Variants in PRUNE2 observed in about 807,000 individuals in gnomAD.
The protein encoded by PRUNE2 is prune homolog 2 with BCH domain, also known as protein prune homolog 2.
A neutral mutation model predicts 252.0 loss-of-function variants in PRUNE2; 164 were observed. The ratio of observed to expected loss-of-function variants is 0.65; its 90% CI spans 0.57 to 0.74. PRUNE2 has a LOEUF of 0.74. Ranked by LOEUF, PRUNE2 falls within the 30% of genes least tolerant of loss-of-function variation. The pLI is 0.00. For missense variants in PRUNE2, 3,495 were observed against 3,711.0 expected, an observed-to-expected ratio of 0.94 and a Z score of 1.51; for synonymous variants, 1,292 against 1,350.2, an observed-to-expected ratio of 0.96 and a Z score of 0.94.
intron 1 of PRUNE2, among the ~76,000 whole-genome samples, chr9:76,897,010 G>A (rs1307552456): frequency 6.6e-6 from 1 of 152,174 alleles, no homozygotes; most frequent in Non-Finnish European, 1.5e-5. Context: ...AAATGGGCAT[G>A]CAGTGAGAAC....
chr9:76,806,508 CTTT>C lies in PRUNE2; in HGVS notation c.756+17121_756+17123del, dbSNP rs536359235. ...GGCTTACCATGTGTCAGGCACCATT[CTTT>C]TTTTTTTTTTTTTTGAGACGGAGTT... is the stretch of plus-strand genomic sequence containing the variant. On this transcript the variant is annotated intron_variant, in intron 6 of 18. Transcript: ENST00000376718. 3.1e-3 allele frequency among the ~76,000 whole-genome samples: 406 copies of C among 131,142 alleles called. 1 individual carries two copies. The highest frequency in any genetic ancestry group is 9.5e-3 in the African/African-American group (330 of 34,712). 86.0% of individuals were successfully genotyped at this position (131,142 alleles called of 152,430 possible).
chr9:76,675,166 C>A (rs2042280572), intron 9 of PRUNE2, among the ~76,000 whole-genome samples: 1 of 92,254 alleles, frequency 1.1e-5, no homozygotes, highest in Non-Finnish European at 2.6e-5. Context: ...ACTTACTCAT[C>A]TGACAAAGGG....
intron 6 of PRUNE2, among the ~76,000 whole-genome samples, chr9:76,807,800 C>T (rs533301313): frequency 1.3e-5 from 2 of 152,290 alleles, no homozygotes; most frequent in African/African-American, 2.4e-5. Context: ...CTAAAGCTCT[C>T]GTCCCACTGG....
chr9:76,665,208 C>T (rs2039891095), intron 9 of PRUNE2, among the ~76,000 whole-genome samples: 1 of 152,220 alleles, frequency 6.6e-6, no homozygotes, highest in East Asian at 1.9e-4. Context: ...TCACAAGGCC[C>T]TCTTGACCTG....
intron 6 of PRUNE2, among the ~76,000 whole-genome samples, chr9:76,773,063 T>C (rs937622059): frequency 3.3e-5 from 5 of 152,318 alleles, no homozygotes; most frequent in African/African-American, 4.8e-5. Flanking sequence ...AACAATATAA[T>C]TTCTTACATT....
intron 6 of PRUNE2, among the ~76,000 whole-genome samples, chr9:76,790,423 T>C (rs1304858020): frequency 6.6e-5 from 10 of 152,120 alleles, no homozygotes; most frequent in Admixed American, 6.6e-4. Context: ...CATAAGAACA[T>C]ATAATCAGTC....
intron 1 of PRUNE2, among the ~76,000 whole-genome samples, chr9:76,865,845 AC>A (rs1158016122): frequency 1.4e-5 from 2 of 146,158 alleles, no homozygotes; most frequent in Non-Finnish European, 3.0e-5. Flanking sequence ...ACACACACAC[AC>A]ACCAGAGCAT....
At chr9:76,683,811 CTATA>C (rs142632701) in intron 9 of PRUNE2, among the ~76,000 whole-genome samples, 3 of 150,752 alleles carry the variant, frequency 2.0e-5, no homozygotes, top group African/African-American at 7.3e-5. Flanking sequence ...ATGTATTTAT[CTATA>C]TATATATATT....
intron 6 of PRUNE2, among the ~76,000 whole-genome samples, chr9:76,815,138 C>T (rs370417649): frequency 6.6e-6 from 1 of 152,164 alleles, no homozygotes; most frequent in South Asian, 2.1e-4. Context: ...CATATACCCC[C>T]GCCCCAATCT....
intron 4 of PRUNE2, among the ~76,000 whole-genome samples, chr9:76,840,925 G>C (rs1163292918): frequency 6.6e-6 from 1 of 151,852 alleles, no homozygotes; most frequent in Non-Finnish European, 1.5e-5. Context: ...AGGTTGCAGT[G>C]AGCCAAGATT....
chr9:76,818,661 A>T (rs2057844711), intron 6 of PRUNE2, among the ~76,000 whole-genome samples: 1 of 152,172 alleles, frequency 6.6e-6, no homozygotes, highest in African/African-American at 2.4e-5. Flanking sequence ...AGTTCTGAAG[A>T]AAGGAGATAA....
chr9:76,901,476 C>G (rs2063169810), intron 1 of PRUNE2, among the ~76,000 whole-genome samples: 1 of 152,190 alleles, frequency 6.6e-6, no homozygotes, highest in East Asian at 1.9e-4. Flanking sequence ...CACAGCAGCC[C>G]TTTAAAAGGT....
chr9:76,747,869 C>T (rs373311149), intron 6 of PRUNE2, among the ~76,000 whole-genome samples: 24 of 151,416 alleles, frequency 1.6e-4, no homozygotes, highest in East Asian at 1.6e-3. Context: ...AATCTTGGCT[C>T]ACTGCAACCT....
At chr9:76,760,058 T>G (rs76463247) in intron 6 of PRUNE2, 8,910 of 152,296 alleles carry the variant, frequency 0.059, 281 homozygotes, top group East Asian at 0.087. Context: ...CCCTACAATT[T>G]AAATAAATTA....
chr9:76,673,359 A>T (rs1207536862), intron 9 of PRUNE2, among the ~76,000 whole-genome samples: 2 of 143,662 alleles, frequency 1.4e-5, no homozygotes, highest in East Asian at 4.1e-4. Flanking sequence ...ACCAGGAAGA[A>T]GTTGAATCTC....
At chr9:76,715,974 AAGTATTT>A (rs1236891936) in intron 6 of PRUNE2, among the ~76,000 whole-genome samples, 1 of 150,694 alleles carries the variant, frequency 6.6e-6, no homozygotes, top group African/African-American at 2.4e-5. Context: ...TTTCCTTTCT[AAGTATTT>A]TTCGTTATGT....
chr9:76,900,912 A>C (rs1589845304), intron 1 of PRUNE2, among the ~76,000 whole-genome samples: 1 of 152,168 alleles, frequency 6.6e-6, no homozygotes, highest in East Asian at 1.9e-4. Flanking sequence ...AATTATGTTA[A>C]TATCTGCCCA....
chr9:76,813,682 G>T (rs1019882028), intron 6 of PRUNE2, among the ~76,000 whole-genome samples: 1 of 152,054 alleles, frequency 6.6e-6, no homozygotes. Context: ...CTCATTCATC[G>T]ATTGCAATGC....
chr9:76,741,453 C>T (rs2049611936), intron 6 of PRUNE2, among the ~76,000 whole-genome samples: 1 of 152,152 alleles, frequency 6.6e-6, no homozygotes, highest in South Asian at 2.1e-4. Flanking sequence ...AGGAGTCAGG[C>T]TGGTGGGACC....
Sources: allele counts gnomAD v4.1 joint callset (sites outside exome capture counted in the v4.1 genomes callset), GRCh38; gene constraint gnomAD v4.1.1; transcripts MANE v1.5; gene names NCBI Gene and HGNC (gene_info 2026-07-23, HGNC 2026-07-21).